The following CPVL variants were observed in gnomAD, a reference collection of about 807,000 sequenced individuals.
CPVL encodes probable serine carboxypeptidase CPVL.
In CPVL, 51 loss-of-function variants were observed where a neutral mutation model predicts 63.7. The observed-to-expected ratio is 0.80, with a 90% CI of 0.64 to 1.01. The LOEUF is 1.01. Among genes scored for constraint, CPVL ranks in the 50% least tolerant of loss-of-function variants. The probability of loss-of-function intolerance (pLI) is 0.00; values close to 1 mark genes in which losing one functional copy is unlikely to be tolerated. For missense variants in CPVL, 530 were observed against 573.1 expected (o/e 0.92, Z 0.77); for synonymous variants, 195 against 206.0 (o/e 0.95, Z 0.46).
chr7:29,130,332 C>A (rs1005654163), intron 1 of CPVL, among the ~76,000 whole-genome samples: 2 of 152,184 alleles, frequency 1.3e-5, no homozygotes, highest in African/African-American at 4.8e-5. Flanking sequence ...TGGCATTATG[C>A]AAGCCAGGAT....
At chr7:29,023,562 A>G (rs1787216834) in intron 12 of CPVL, among the ~76,000 whole-genome samples, 1 of 152,104 alleles carries the variant, frequency 6.6e-6, no homozygotes, top group South Asian at 2.1e-4. Flanking sequence ...GGATCAGCCC[A>G]CTCAGACCTG....
At chr7:29,038,622 C>T (rs1788771771) in intron 11 of CPVL, among the ~76,000 whole-genome samples, 1 of 152,186 alleles carries the variant, frequency 6.6e-6, no homozygotes, top group Admixed American at 6.5e-5. Context: ...AGGCACACCC[C>T]CACCCCTGCC....
intron 5 of CPVL, among the ~76,000 whole-genome samples, chr7:29,164,124 G>T (rs1454920014): frequency 6.6e-6 from 1 of 152,190 alleles, no homozygotes; most frequent in Non-Finnish European, 1.5e-5. Flanking sequence ...CCCACCAGCA[G>T]TGCATGAGAG....
At chr7:29,083,332 G>A (rs1320447057) in intron 7 of CPVL, among the ~76,000 whole-genome samples, 1 of 152,176 alleles carries the variant, frequency 6.6e-6, no homozygotes, top group Non-Finnish European at 1.5e-5. Context: ...CCAACTCTCA[G>A]GCCTTATGAT....
rs1213266685 is a variant in CPVL at position 29,032,639 on chromosome 7, C to T, written c.1138-1880G>A. 2.0e-5 allele frequency among the ~76,000 whole-genome samples: 3 copies of T among 152,128 alleles called. No homozygotes were observed. In the East Asian group the frequency reaches 5.8e-4, roughly 29 times the overall value. Reference sequence around the variant, plus strand: ...CTGATTATAGCTGATTAGCAAAGATCATCAAGCATAAAGTGATTCTTCTTC... The same window carrying T: ...CTGATTATAGCTGATTAGCAAAGATTATCAAGCATAAAGTGATTCTTCTTC... On this transcript the variant is annotated intron_variant, in intron 11 of 12. Coordinates refer to ENST00000265394, the MANE Select transcript of CPVL (RefSeq NM_031311.5).
At chr7:29,164,675 G>A (rs1280953613) in intron 5 of CPVL, among the ~76,000 whole-genome samples, 1 of 151,152 alleles carries the variant, frequency 6.6e-6, no homozygotes, top group African/African-American at 2.4e-5. Context: ...CAGCATCCCT[G>A]GTGGCTGAGG....
At chr7:29,054,860 T>G (rs1043569477) in intron 11 of CPVL, among the ~76,000 whole-genome samples, 1 of 152,234 alleles carries the variant, frequency 6.6e-6, no homozygotes, top group African/African-American at 2.4e-5. Flanking sequence ...TTCATTAAAT[T>G]TATCTTCAGC....
chr7:29,047,036 T>C (rs755652944), intron 11 of CPVL, among the ~76,000 whole-genome samples: 6 of 152,232 alleles, frequency 3.9e-5, no homozygotes. Flanking sequence ...AGGTGGTTTA[T>C]AGTACAAATG....
chr7:29,148,109 C>T (rs894685551), upstream of CPVL, among the ~76,000 whole-genome samples: 3 of 152,202 alleles, frequency 2.0e-5, no homozygotes, highest in Non-Finnish European at 2.9e-5. Context: ...CATGGGAGTA[C>T]AGACATTAGC....
intron 5 of CPVL, among the ~76,000 whole-genome samples, chr7:29,163,751 A>G (rs1180650620): frequency 2.0e-5 from 3 of 152,182 alleles, no homozygotes; most frequent in Admixed American, 2.0e-4. Flanking sequence ...ACTATAGATT[A>G]GCTTGCATTT....
chr7:29,130,384 T>C (rs1415536796), intron 1 of CPVL, among the ~76,000 whole-genome samples: 1 of 152,224 alleles, frequency 6.6e-6, no homozygotes, highest in Non-Finnish European at 1.5e-5. Flanking sequence ...CTGTATTATA[T>C]TAACAGATTT....
intron 12 of CPVL, among the ~76,000 whole-genome samples, chr7:28,997,208 T>C (rs1378845024): frequency 6.6e-6 from 1 of 152,192 alleles, no homozygotes; most frequent in African/African-American, 2.4e-5. Context: ...CTGAGATGTC[T>C]CGTTCCATAT....
chr7:29,060,910 G>A (rs758878660), intron 11 of CPVL, among the ~76,000 whole-genome samples: 15 of 152,088 alleles, frequency 9.9e-5, no homozygotes, highest in Non-Finnish European at 2.2e-4. Context: ...TCTGATTCCC[G>A]TTCTGAACAC....
At chr7:29,020,201 A>C (rs1484428763) in intron 12 of CPVL, among the ~76,000 whole-genome samples, 1 of 152,180 alleles carries the variant, frequency 6.6e-6, no homozygotes, top group African/African-American at 2.4e-5. Context: ...GGTTCAGGGG[A>C]TATAAAATAA....
chr7:29,072,340 G>C lies in CPVL; in HGVS notation c.693C>G (p.Asn231Lys), dbSNP rs147609298. The C allele has an allele frequency of 1.9e-6, 3 of 1,613,924 alleles. No homozygotes were observed. The African/African-American group carries it at 4.0e-5, about 22-fold the overall frequency. The change falls in exon 8 of 13, where the codon AAC (asparagine) becomes AAG (lysine). Residue 231 changes from asparagine (N) to lysine (K), a missense_variant. Coordinates refer to ENST00000265394, the MANE Select transcript of CPVL (RefSeq NM_031311.5). The part of the protein sequence containing the change: ...NPVREVKINL[N>K]GIAIGDGYSD... ...AATATCCATCTCCAATAGCAATTCCGTTCAGGTTGATCTTCACCTCTCTCA... is the reference window on the plus strand; with the variant it reads ...AATATCCATCTCCAATAGCAATTCCCTTCAGGTTGATCTTCACCTCTCTCA...
At chr7:29,162,388 G>A (rs956452497) in intron 5 of CPVL, among the ~76,000 whole-genome samples, 12 of 152,244 alleles carry the variant, frequency 7.9e-5, no homozygotes, top group Middle Eastern at 6.8e-3. Flanking sequence ...ATGGCCAGGC[G>A]TGGTGGCTCA....
At chr7:29,116,950 A>T (rs1788829931) in intron 2 of CPVL, among the ~76,000 whole-genome samples, 1 of 152,130 alleles carries the variant, frequency 6.6e-6, no homozygotes, top group Admixed American at 6.5e-5. Flanking sequence ...GTTTTGACAG[A>T]CTCGATAAAC....
chr7:29,176,402 T>C (rs1416774089), intron 5 of CPVL, among the ~76,000 whole-genome samples: 1 of 152,090 alleles, frequency 6.6e-6, no homozygotes, highest in East Asian at 1.9e-4. Flanking sequence ...ACTAGATTAA[T>C]AGTGGACTTC....
At chr7:29,101,713 C>A (rs901103529) in intron 3 of CPVL, among the ~76,000 whole-genome samples, 1 of 151,922 alleles carries the variant, frequency 6.6e-6, no homozygotes, top group Non-Finnish European at 1.5e-5. Flanking sequence ...GCCCCTCTTC[C>A]CCGACAAATT....
Sources: allele counts gnomAD v4.1 joint callset (sites outside exome capture counted in the v4.1 genomes callset), GRCh38; gene constraint gnomAD v4.1.1; transcripts MANE v1.5; gene names NCBI Gene and HGNC (gene_info 2026-07-23, HGNC 2026-07-21).